The following GRM5 variants were observed in gnomAD, a reference collection of about 807,000 sequenced individuals.
GRM5 encodes the protein metabotropic glutamate receptor 5.
Under a neutral mutation model 83.1 loss-of-function variants are expected in GRM5, and 19 were observed. The observed-to-expected ratio is 0.23, with a 90% confidence interval of 0.16 to 0.34. The LOEUF is 0.34. Among genes scored for constraint, GRM5 ranks in the 10% least tolerant of loss-of-function variants. The pLI, the probability that GRM5 is intolerant of heterozygous loss-of-function variation, is 1.00. For missense variants in GRM5, 1,160 were observed against 1,588.3 expected (o/e 0.73, Z 4.58); for synonymous variants, 675 against 633.6 (o/e 1.07, Z -0.98).
chr11:89,064,037 T>A (rs1942052079), intron 1 of GRM5, among the ~76,000 whole-genome samples: 1 of 152,166 alleles, frequency 6.6e-6, no homozygotes, highest in Non-Finnish European at 1.5e-5. Context: ...ACATGGTAGG[T>A]CCCAGTTGTC....
chr11:88,604,799 A>G lies in GRM5; in HGVS notation c.1313T>C (p.Leu438Ser). The G allele has an allele frequency of 2.5e-6, 4 of 1,613,512 alleles. No individual in the cohort carries two copies. Among genetic ancestry groups the G allele is most frequent in the Non-Finnish European group, 3.4e-6 (4 of 1,179,430 alleles). The change falls in exon 5 of 10, where the codon TTG becomes TCG. Residue 438 changes from leucine (L) to serine (S), a missense_variant. Physicochemically the swap from Leu to Ser is moderately radical, Grantham distance 145 (BLOSUM62 -2). Around this residue, in one of 9 missense-constraint regions of GRM5, gnomAD observed 132 missense variants for 197.6 expected, o/e 0.67. Coordinates refer to ENST00000305447, the MANE Select transcript of GRM5 (RefSeq NM_001143831.3). Reference sequence around the variant, plus strand: ...AAAATTGGTTTTCATCAGGGACTCCAAAAGTTTCCGTCCATCAATTGGCTT... The same window carrying G: ...AAAATTGGTTTTCATCAGGGACTCCGAAAGTTTCCGTCCATCAATTGGCTT... ...AMKPIDGRKL[L>S]ESLMKTNFTG...
chr11:89,035,118 T>C (rs1591065940), intron 2 of GRM5, among the ~76,000 whole-genome samples: 1 of 151,822 alleles, frequency 6.6e-6, no homozygotes. Flanking sequence ...GAATTCAATT[T>C]TATTACAAAT....
At chr11:88,928,081 C>G (rs1945819349) in intron 2 of GRM5, among the ~76,000 whole-genome samples, 1 of 152,052 alleles carries the variant, frequency 6.6e-6, no homozygotes, top group Admixed American at 6.6e-5. Context: ...TGTGAACCCT[C>G]TTAGGATTAT....
At chr11:88,691,066 T>C (rs1940770167) in intron 3 of GRM5, among the ~76,000 whole-genome samples, 4 of 152,104 alleles carry the variant, frequency 2.6e-5, no homozygotes, top group African/African-American at 9.7e-5. Flanking sequence ...CACTGACACT[T>C]GAAGAGAGGG....
intron 3 of GRM5, among the ~76,000 whole-genome samples, chr11:88,691,830 A>C (rs1482502012): frequency 2.0e-5 from 3 of 152,202 alleles, no homozygotes; most frequent in Non-Finnish European, 4.4e-5. Context: ...TTAGACAAGG[A>C]ATACGACAAC....
chr11:88,702,915 CA>C (rs1368473067), intron 3 of GRM5, among the ~76,000 whole-genome samples: 1 of 152,078 alleles, frequency 6.6e-6, no homozygotes, highest in Non-Finnish European at 1.5e-5. Context: ...CCAACTTGAT[CA>C]TAGACTTCTA....
intron 2 of GRM5, among the ~76,000 whole-genome samples, chr11:89,043,643 A>T (rs1213660917): frequency 6.6e-6 from 1 of 151,982 alleles, no homozygotes; most frequent in African/African-American, 2.4e-5. Flanking sequence ...TAGAGACTAA[A>T]GTGAGAGGGA....
At position 88,771,134 on chromosome 11, in the gene GRM5, C is replaced by T. The variant is rs528192553; in HGVS notation, c.911+78772G>A. Reference sequence around the variant, plus strand: ...TAGAGATCACCTAGCCCTGGCCTGTCGAGTATGGTAGCTTCTAGCCCCTTG... The same window carrying T: ...TAGAGATCACCTAGCCCTGGCCTGTTGAGTATGGTAGCTTCTAGCCCCTTG... On this transcript the variant is annotated intron_variant, in intron 3 of 9. Transcript: ENST00000305447. Among the ~76,000 whole-genome samples the T allele has an allele frequency of 2.6e-5, 4 of 152,052 alleles. No homozygotes were observed. In the East Asian group the frequency reaches 7.7e-4, roughly 29 times the overall value.
chr11:88,605,340 C>T (rs1210689922), intron 4 of GRM5, among the ~76,000 whole-genome samples: 1 of 151,150 alleles, frequency 6.6e-6, no homozygotes, highest in East Asian at 1.9e-4. Flanking sequence ...TTCAGAAATC[C>T]TCAACAAACC....
intron 3 of GRM5, among the ~76,000 whole-genome samples, chr11:88,840,454 T>G (rs2135529890): frequency 6.6e-6 from 1 of 152,334 alleles, no homozygotes; most frequent in East Asian, 1.9e-4. Context: ...CCAAGATCCA[T>G]ATTCTGAAAC....
intron 2 of GRM5, among the ~76,000 whole-genome samples, chr11:88,949,831 C>A (rs1216018248): frequency 6.6e-6 from 1 of 151,954 alleles, no homozygotes; most frequent in African/African-American, 2.4e-5. Flanking sequence ...ATTTTAGGAG[C>A]CAAAAATGAT....
chr11:88,733,256 T>C (rs1941843976), intron 3 of GRM5, among the ~76,000 whole-genome samples: 1 of 152,050 alleles, frequency 6.6e-6, no homozygotes, highest in Non-Finnish European at 1.5e-5. Flanking sequence ...ATCTTGAGTA[T>C]AACAGCTGCC....
chr11:88,925,323 C>T (rs1225669943), intron 2 of GRM5, among the ~76,000 whole-genome samples: 1 of 151,676 alleles, frequency 6.6e-6, no homozygotes, highest in African/African-American at 2.4e-5. Context: ...CTTTTTGCTG[C>T]TTTATTTTTT....
intron 2 of GRM5, among the ~76,000 whole-genome samples, chr11:88,871,241 T>A (rs1944762634): frequency 6.6e-6 from 1 of 151,466 alleles, no homozygotes; most frequent in Admixed American, 6.6e-5. Context: ...AGCAGAGAGA[T>A]TAAACAACTT....
At chr11:88,824,832 T>C (rs1224674645) in intron 3 of GRM5, among the ~76,000 whole-genome samples, 1 of 152,188 alleles carries the variant, frequency 6.6e-6, no homozygotes, top group Non-Finnish European at 1.5e-5. Context: ...GATATGTGTG[T>C]GTGTGTAGAC....
chr11:88,629,558 C>T (rs1009399537), intron 4 of GRM5, among the ~76,000 whole-genome samples: 2 of 152,214 alleles, frequency 1.3e-5, no homozygotes, highest in East Asian at 1.9e-4. Context: ...TCATGATGGA[C>T]TCTTCTACTC....
chr11:88,893,284 G>T (rs185559397), intron 2 of GRM5, among the ~76,000 whole-genome samples: 20 of 152,128 alleles, frequency 1.3e-4, no homozygotes, highest in African/African-American at 4.3e-4. Context: ...CATAAGAAAG[G>T]ATCTTGTATG....
At chr11:88,895,098 G>T (rs1945210312) in intron 2 of GRM5, among the ~76,000 whole-genome samples, 1 of 151,914 alleles carries the variant, frequency 6.6e-6, no homozygotes. Context: ...TAAATTTGAA[G>T]CAGACTGATA....
intron 1 of GRM5, among the ~76,000 whole-genome samples, chr11:89,056,643 AAGGG>A (rs1941880977): frequency 6.6e-6 from 1 of 152,148 alleles, no homozygotes; most frequent in Non-Finnish European, 1.5e-5. Flanking sequence ...AGTAGAAATA[AAGGG>A]GCAGGTTTAT....
Sources: allele counts gnomAD v4.1 joint callset (sites outside exome capture counted in the v4.1 genomes callset), GRCh38; gene constraint gnomAD v4.1.1; regional missense constraint gnomAD v4.1.1; transcripts MANE v1.5; gene names NCBI Gene and HGNC (gene_info 2026-07-23, HGNC 2026-07-21).